PCNX2: variants seen among roughly 807,000 people sequenced by gnomAD.
PCNX2 encodes the protein pecanex-like protein 2.
In PCNX2, 168 loss-of-function variants were observed where a neutral mutation model predicts 223.8. That is an observed-to-expected ratio of 0.75 (90% CI 0.66 to 0.85). PCNX2 has a LOEUF of 0.85. Ranked by LOEUF, PCNX2 falls within the 40% of genes least tolerant of loss-of-function variation. The pLI is 0.00. For missense variants in PCNX2, 2,507 were observed against 2,675.5 expected (o/e 0.94, Z 1.39); for synonymous variants, 1,006 against 1,052.6 (o/e 0.96, Z 0.86).
chr1:233,113,110 G>A (rs1675208607), intron 21 of PCNX2: 1 of 889,942 alleles, frequency 1.1e-6, no homozygotes, highest in Non-Finnish European at 1.6e-6. Flanking sequence ...GCAGTGAGCT[G>A]GCCAGTTGGG....
Position 233,185,308 on chromosome 1 carries a change from A to G in PCNX2, c.3067-6133T>C, listed in dbSNP as rs570093485. Among the ~76,000 whole-genome samples the G allele has an allele frequency of 3.3e-5, 5 of 152,098 alleles. No homozygotes were observed. In the East Asian group the frequency reaches 9.7e-4, roughly 29 times the overall value. On this transcript the variant is annotated intron_variant, in intron 15 of 33. Coordinates refer to ENST00000258229, the MANE Select transcript of PCNX2 (RefSeq NM_014801.4). ...TCATAACTGAGATGGTCTCATCTCAAGTTATTGATCAAGCAAGGAGACAGG... is the reference window on the plus strand; with the variant it reads ...TCATAACTGAGATGGTCTCATCTCAGGTTATTGATCAAGCAAGGAGACAGG...
intron 21 of PCNX2, chr1:233,134,715 T>G (rs2102766179): frequency 2.3e-6 from 1 of 443,890 alleles, no homozygotes; most frequent in East Asian, 3.8e-5. Context: ...TCATAGCATT[T>G]TAAGATCTAG....
rs189272704 is a variant in PCNX2 at position 233,173,841 on chromosome 1, A to G, written c.3273+3961T>C. Among the ~76,000 whole-genome samples, 6 of 151,988 alleles carry G rather than the reference A, an allele frequency of 3.9e-5. No individual in the cohort carries two copies. In the East Asian group the frequency reaches 1.2e-3, roughly 29 times the overall value. Reference sequence around the variant, plus strand: ...ATTGTGAGTTGGATCACATTTTCATAGGTTATTTCTGGTATGTTAGAAAGT... The same window carrying G: ...ATTGTGAGTTGGATCACATTTTCATGGGTTATTTCTGGTATGTTAGAAAGT... On this transcript the variant is annotated intron_variant, in intron 17 of 33. Transcript: ENST00000258229.
chr1:233,228,804 A>G (rs1470627435), intron 9 of PCNX2, among the ~76,000 whole-genome samples: 1 of 152,202 alleles, frequency 6.6e-6, no homozygotes, highest in Non-Finnish European at 1.5e-5. Flanking sequence ...TCCTGCTTTC[A>G]ATTCTTTTGG....
At chr1:233,226,196 G>A (rs1044104159) in intron 10 of PCNX2, among the ~76,000 whole-genome samples, 1 of 152,140 alleles carries the variant, frequency 6.6e-6, no homozygotes, top group African/African-American at 2.4e-5. Flanking sequence ...AAACTGTTAT[G>A]TGCAAATTTT....
chr1:233,072,462 A>T (rs1352955454), intron 23 of PCNX2, among the ~76,000 whole-genome samples: 2 of 151,906 alleles, frequency 1.3e-5, no homozygotes, highest in South Asian at 4.1e-4. Context: ...TGGGTTTTCT[A>T]TTCTGTTCCA....
chr1:233,042,266 A>G (rs576150815), intron 25 of PCNX2, among the ~76,000 whole-genome samples: 6 of 152,180 alleles, frequency 3.9e-5, no homozygotes, highest in Admixed American at 3.9e-4. Context: ...ATGAACAACC[A>G]TGGGTTTCAA....
the PCNX2 span, among the ~76,000 whole-genome samples, chr1:233,310,202 C>A: frequency 6.6e-6 from 1 of 152,034 alleles, no homozygotes; most frequent in East Asian, 1.9e-4. Context: ...GGCTAATAGC[C>A]AACTAGGAAA....
At position 233,086,725 on chromosome 1, in the gene PCNX2, C is replaced by G. The variant is rs142255825; in HGVS notation, c.4076+3336G>C. 3.7e-3 allele frequency among the ~76,000 whole-genome samples: 561 copies of G among 152,178 alleles called. 4 individuals are homozygous for G. Among genetic ancestry groups the G allele is most frequent in the African/African-American group, 0.013 (545 of 41,524 alleles). On this transcript the variant is annotated intron_variant, in intron 23 of 33. Coordinates refer to ENST00000258229, the MANE Select transcript of PCNX2 (RefSeq NM_014801.4). ...ATAAAATAAAATTCAGTTCCTCCAT[C>G]AGACTAGCCCCATTTCAAGTGCTTG... is the stretch of plus-strand genomic sequence containing the variant.
intron 1 of PCNX2, among the ~76,000 whole-genome samples, chr1:233,268,782 T>G (rs1660480419): frequency 6.6e-6 from 1 of 152,192 alleles, no homozygotes; most frequent in Non-Finnish European, 1.5e-5. Flanking sequence ...TCTCTCTACA[T>G]AGCCAGCCTC....
At chr1:233,176,180 T>C (rs1363590306) in intron 17 of PCNX2, among the ~76,000 whole-genome samples, 2 of 152,210 alleles carry the variant, frequency 1.3e-5, no homozygotes, top group Non-Finnish European at 2.9e-5. Context: ...TATGGGAGCT[T>C]ACACAATTAA....
At position 233,289,531 on chromosome 1, in the gene PCNX2, T is replaced by C. The variant is rs1241377664; in HGVS notation, c.153+5795A>G. The C allele has an allele frequency of 1.5e-5, 10 of 664,422 alleles. No homozygotes were observed. In the Admixed American group the frequency reaches 2.3e-4, roughly 15 times the overall value. 41.2% of individuals were successfully genotyped at this position (664,422 alleles called of 1,614,324 possible). A position where few individuals can be genotyped will look rare whatever the true frequency, so the allele number is the denominator to read the frequency against. Reference sequence around the variant, plus strand: ...TTAAGCAACTCCATGCTGCAGGCTCTTCGCCTGAAATACAACTCTGCTTCA... The same window carrying C: ...TTAAGCAACTCCATGCTGCAGGCTCCTCGCCTGAAATACAACTCTGCTTCA... On this transcript the variant is annotated intron_variant, in intron 1 of 33. Coordinates refer to ENST00000258229, the MANE Select transcript of PCNX2 (RefSeq NM_014801.4).
At position 232,986,177 on chromosome 1, in the gene PCNX2, C is replaced by A. The variant is rs1329214916; in HGVS notation, c.6155G>T (p.Gly2052Val). Residue 2052 changes from glycine (G) to valine (V), a missense_variant, in exon 33 of 34, where the codon GGG becomes GTG. Gly to Val is a moderately radical substitution (Grantham distance 109). Coordinates refer to ENST00000258229, the MANE Select transcript of PCNX2 (RefSeq NM_014801.4). ...TGACTGGGTGTCACTGGTATTGCCC[C>A]CCTCCGCAGCAGAGAGTCCGGAAAT... ...LVISGLSAAE[G>V]GNTSDTQSSS... is the part of the protein sequence containing the mutation. 4 of 1,562,946 alleles carry A rather than the reference C, an allele frequency of 2.6e-6. No homozygotes were observed. Among genetic ancestry groups the A allele is most frequent in the Non-Finnish European group, 3.5e-6 (4 of 1,152,960 alleles).
intron 1 of PCNX2, among the ~76,000 whole-genome samples, chr1:233,280,117 T>C (rs1260356574): frequency 6.6e-6 from 1 of 152,166 alleles, no homozygotes; most frequent in Non-Finnish European, 1.5e-5. Context: ...TCATTCCTTT[T>C]TTACAGCTGT....
chr1:233,124,909 T>C (rs1226741300), intron 21 of PCNX2, among the ~76,000 whole-genome samples: 2 of 152,332 alleles, frequency 1.3e-5, no homozygotes, highest in East Asian at 1.9e-4. Flanking sequence ...ATTGTAGAGT[T>C]TTCCCTGAAA....
intron 21 of PCNX2, among the ~76,000 whole-genome samples, chr1:233,101,180 G>A (rs1252176587): frequency 6.6e-6 from 1 of 152,214 alleles, no homozygotes; most frequent in Non-Finnish European, 1.5e-5. Flanking sequence ...CAAAGGAATT[G>A]TGGAAAACCA....
chr1:233,138,292 T>C (rs77214924), intron 20 of PCNX2, among the ~76,000 whole-genome samples: 3,081 of 152,260 alleles, frequency 0.02, 40 homozygotes, highest in East Asian at 0.051. Context: ...CCTCTCTGAA[T>C]TATTTATTTG....
chr1:233,216,168 T>C (rs952778605), intron 12 of PCNX2, among the ~76,000 whole-genome samples: 4 of 152,168 alleles, frequency 2.6e-5, no homozygotes, highest in Non-Finnish European at 5.9e-5. Flanking sequence ...GGAGTCTACC[T>C]GGCGGTGAAC....
At chr1:233,242,809 G>C (rs1451974757) in intron 8 of PCNX2, among the ~76,000 whole-genome samples, 2 of 152,164 alleles carry the variant, frequency 1.3e-5, no homozygotes, top group Non-Finnish European at 2.9e-5. Flanking sequence ...AGGCAGATTA[G>C]CAATTCCAAC....
Sources: gnomAD v4.1 joint callset for allele counts (sites outside exome capture counted in the v4.1 genomes callset) on GRCh38, gnomAD v4.1.1 for gene constraint, MANE v1.5 for transcripts, NCBI Gene and HGNC (gene_info 2026-07-23, HGNC 2026-07-21) for gene names.